Variants in ADCY2 observed in about 807,000 individuals in gnomAD.
ADCY2 encodes the protein adenylate cyclase 2, also known as adenylate cyclase type 2.
Under a neutral mutation model 125.2 loss-of-function variants are expected in ADCY2, and 31 were observed. The observed-to-expected ratio is 0.25, with a 90% confidence interval of 0.19 to 0.33. The LOEUF is 0.33. ADCY2 is among the 10% of genes least tolerant of loss of function. The pLI is 1.00. For synonymous variants in ADCY2, 512 were observed against 548.4 expected (o/e 0.93, Z 0.93); for missense variants, 904 against 1,418.2 (o/e 0.64, Z 5.82).
At chr5:7,488,387 A>G (rs902943986) in intron 2 of ADCY2, among the ~76,000 whole-genome samples, 4 of 152,038 alleles carry the variant, frequency 2.6e-5, no homozygotes, top group Non-Finnish European at 5.9e-5. Context: ...TGTCTAATAC[A>G]TCTTGACTAA....
intron 4 of ADCY2, among the ~76,000 whole-genome samples, chr5:7,648,263 A>G (rs1370641172): frequency 6.6e-6 from 1 of 152,130 alleles, no homozygotes; most frequent in East Asian, 1.9e-4. Context: ...AGAATGTTCA[A>G]TTCTTTTGGC....
chr5:7,552,774 TA>T (rs898021195), intron 3 of ADCY2, among the ~76,000 whole-genome samples: 1 of 152,232 alleles, frequency 6.6e-6, no homozygotes, highest in Non-Finnish European at 1.5e-5. Context: ...TCAGCGTTTG[TA>T]AAAAAGGCTA....
At chr5:7,792,467 G>A (rs1011205918) in intron 20 of ADCY2, among the ~76,000 whole-genome samples, 26 of 152,114 alleles carry the variant, frequency 1.7e-4, no homozygotes, top group African/African-American at 5.1e-4. Context: ...CATGGGCTCA[G>A]AGGAAAGCTC....
intron 18 of ADCY2, among the ~76,000 whole-genome samples, chr5:7,777,681 A>G (rs926513023): frequency 6.6e-6 from 1 of 152,262 alleles, no homozygotes; most frequent in African/African-American, 2.4e-5. Flanking sequence ...CCTTTTCAGA[A>G]CCAACTTGGC....
intron 3 of ADCY2, among the ~76,000 whole-genome samples, chr5:7,548,748 G>A (rs1360220033): frequency 6.6e-6 from 1 of 152,168 alleles, no homozygotes; most frequent in Admixed American, 6.5e-5. Context: ...AGTTGACACA[G>A]TATGTCCATA....
At chr5:7,768,348 T>A (rs567937334) in intron 17 of ADCY2, among the ~76,000 whole-genome samples, 1 of 152,192 alleles carries the variant, frequency 6.6e-6, no homozygotes, top group Non-Finnish European at 1.5e-5. Context: ...CTCTCTTTTT[T>A]AGAGAAATAT....
At position 7,396,927 on chromosome 5, in the gene ADCY2, C is replaced by T. The variant is rs897192250; in HGVS notation, c.210+421C>T. On this transcript the variant is annotated intron_variant, in intron 1 of 24. Transcript: ENST00000338316. This position sits in a 1 kb window ranked among gnomAD's most constrained non-coding sequence, Gnocchi z 5.7. Reference sequence around the variant, plus strand: ...CCTGCCCGGTTCCACTGGCATGGCCCCACAGTTGGCATTTTAGTTGGGATT... The same window carrying T: ...CCTGCCCGGTTCCACTGGCATGGCCTCACAGTTGGCATTTTAGTTGGGATT... Among the ~76,000 whole-genome samples the T allele has an allele frequency of 1.3e-5, 2 of 152,206 alleles. No homozygotes were observed. Among genetic ancestry groups the T allele is most frequent in the Non-Finnish European group, 2.9e-5 (2 of 68,030 alleles).
At chr5:7,708,587 A>C (rs552662829) in intron 9 of ADCY2, among the ~76,000 whole-genome samples, 2 of 152,314 alleles carry the variant, frequency 1.3e-5, no homozygotes, top group Admixed American at 1.3e-4. Context: ...AATGGTGCAA[A>C]TATCAGCAAG....
chr5:7,790,067 T>C (rs949398152), intron 20 of ADCY2, among the ~76,000 whole-genome samples: 1 of 152,170 alleles, frequency 6.6e-6, no homozygotes, highest in Non-Finnish European at 1.5e-5. Flanking sequence ...TCCCCAATCA[T>C]GTAAAGTTCT....
intron 3 of ADCY2, 151 bp downstream of exon 3, chr5:7,521,050 G>C: frequency 2.4e-6 from 2 of 846,566 alleles, no homozygotes; most frequent in Non-Finnish European, 3.6e-6. Context: ...TAACACTGAG[G>C]AGCCAGCCCC....
chr5:7,465,384 G>A (rs2126446538), intron 2 of ADCY2, among the ~76,000 whole-genome samples: 1 of 152,282 alleles, frequency 6.6e-6, no homozygotes, highest in South Asian at 2.1e-4. Context: ...AGCAGAGTCA[G>A]TATCCACCTT....
rs115858410 is a variant in ADCY2, at chr5:7,720,239, A to C, written c.1703+3002A>C. ...AATCCCCCCAAGTAATAGTTGACCT[A>C]ATCAGCACACACGAATCTATTCCCT... is the stretch of plus-strand genomic sequence containing the variant. On this transcript the variant is annotated intron_variant, in intron 12 of 24. Transcript: ENST00000338316. Among the ~76,000 whole-genome samples the C allele has an allele frequency of 6.9e-3, 1,057 of 152,226 alleles. 5 individuals are homozygous for C. Among genetic ancestry groups the C allele is most frequent in the Non-Finnish European group, 0.011 (744 of 68,006 alleles).
chr5:7,631,724 AG>A (rs1738316307), intron 4 of ADCY2, among the ~76,000 whole-genome samples: 1 of 152,202 alleles, frequency 6.6e-6, no homozygotes, highest in Non-Finnish European at 1.5e-5. Flanking sequence ...GACCATGCTG[AG>A]GCATGGGGAG....
intron 3 of ADCY2, among the ~76,000 whole-genome samples, chr5:7,618,801 A>G (rs1269790382): frequency 6.6e-6 from 1 of 152,250 alleles, no homozygotes; most frequent in Non-Finnish European, 1.5e-5. Flanking sequence ...CACCAGAACC[A>G]GGCAAAGTGT....
intron 4 of ADCY2, among the ~76,000 whole-genome samples, chr5:7,655,442 G>A (rs1194930681): frequency 2.0e-5 from 3 of 152,284 alleles, no homozygotes; most frequent in Admixed American, 6.5e-5. Context: ...AGGCCTGAAC[G>A]TCCAGGATGT....
chr5:7,636,452 G>A (rs577714158), intron 4 of ADCY2, among the ~76,000 whole-genome samples: 1 of 152,250 alleles, frequency 6.6e-6, no homozygotes, highest in Non-Finnish European at 1.5e-5. Context: ...GTCTATGCAG[G>A]GTGTGGGGAT....
At chr5:7,536,534 A>G (rs192959941) in intron 3 of ADCY2, among the ~76,000 whole-genome samples, 8 of 152,314 alleles carry the variant, frequency 5.3e-5, no homozygotes, top group South Asian at 2.1e-4. Context: ...ATTTTCTCAG[A>G]TGACTTTAGG....
intron 2 of ADCY2, among the ~76,000 whole-genome samples, chr5:7,478,369 A>G (rs1742597577): frequency 6.6e-6 from 1 of 152,228 alleles, no homozygotes; most frequent in Non-Finnish European, 1.5e-5. Flanking sequence ...TATTCCATAT[A>G]AAAATAGTGT....
At chr5:7,790,103 T>A (rs2078495579) in intron 20 of ADCY2, among the ~76,000 whole-genome samples, 1 of 152,106 alleles carries the variant, frequency 6.6e-6, no homozygotes, top group Non-Finnish European at 1.5e-5. Context: ...GGCACTAGGA[T>A]CCCAAATATG....
Sources: allele counts gnomAD v4.1 joint callset (sites outside exome capture counted in the v4.1 genomes callset), GRCh38; gene constraint gnomAD v4.1.1; non-coding constraint Gnocchi (gnomAD v3.1); transcripts MANE v1.5; gene names NCBI Gene and HGNC (gene_info 2026-07-23, HGNC 2026-07-21).